DSC3: variants seen among roughly 807,000 people sequenced by gnomAD.
DSC3 encodes the protein desmocollin-3.
DSC3 carries 97 observed loss-of-function variants against 89.5 expected under a neutral mutation model. That is an observed-to-expected ratio of 1.08 (90% CI 0.92 to 1.28). The LOEUF (loss-of-function observed/expected upper bound fraction) is 1.28, where lower values mean the gene tolerates loss of function less well. DSC3 is among the 50% of genes most tolerant of loss of function. The probability of loss-of-function intolerance (pLI) is 0.00; values close to 1 mark genes in which losing one functional copy is unlikely to be tolerated. For missense variants in DSC3, 1,199 were observed against 1,085.3 expected (o/e 1.10, Z -1.47); for synonymous variants, 436 against 384.1 (o/e 1.14, Z -1.58).
chr18:31,032,573 T>TGTGTGTGTGTGTGTGTGC (rs1326080418), intron 1 of DSC3, among the ~76,000 whole-genome samples: 1 of 130,508 alleles, frequency 7.7e-6, no homozygotes, highest in Non-Finnish European at 1.6e-5. Flanking sequence ...TGTGTGTGTG[T>TGTGTGTGTGTGTGTGTGC]GTGTGTGTGT....
Position 31,024,329 on chromosome 18 carries a change from A to T in DSC3, c.775+20T>A. ...AGACATATTTAAAATGATTCTTTTTATTCTTAAAAGCAGACTTACCAGGTC... is the reference window on the plus strand; with the variant it reads ...AGACATATTTAAAATGATTCTTTTTTTTCTTAAAAGCAGACTTACCAGGTC... On this transcript the variant is annotated intron_variant, in intron 6 of 15. Transcript: ENST00000360428. The T allele has an allele frequency of 6.4e-7, 1 of 1,554,430 alleles. No individual in the cohort carries two copies. The highest frequency in any genetic ancestry group is 8.7e-7 in the Non-Finnish European group (1 of 1,150,270).
intron 7 of DSC3, 27 bp from the exon 8 acceptor site, chr18:31,018,827 G>A: frequency 6.2e-7 from 1 of 1,611,274 alleles, no homozygotes; most frequent in South Asian, 1.1e-5. Flanking sequence ...TATTTAACTA[G>A]TCTTGAAAAA....
At chr18:31,001,468 T>G in intron 14 of DSC3, 150 bp downstream of exon 14, 1 of 888,136 alleles carries the variant, frequency 1.1e-6, no homozygotes, top group Non-Finnish European at 1.7e-6. Flanking sequence ...TACCACTATA[T>G]AAACATATGA....
At chr18:31,034,872 T>C (rs1404855988) in intron 1 of DSC3, among the ~76,000 whole-genome samples, 1 of 152,332 alleles carries the variant, frequency 6.6e-6, no homozygotes, top group African/African-American at 2.4e-5. Flanking sequence ...TAAAATTAGA[T>C]TATTGCACAT....
At chr18:31,011,965 T>A (rs1451355798) in intron 9 of DSC3, among the ~76,000 whole-genome samples, 2 of 36,446 alleles carry the variant, frequency 5.5e-5, no homozygotes, top group Non-Finnish European at 9.7e-5. Flanking sequence ...AAGTACTCCA[T>A]CTCCAAAAAA....
At chr18:31,007,529 C>T (rs548033942) in intron 11 of DSC3, among the ~76,000 whole-genome samples, 1 of 152,226 alleles carries the variant, frequency 6.6e-6, no homozygotes, top group South Asian at 2.1e-4. Flanking sequence ...CTAGGCTCCA[C>T]AACCGGATAT....
In DSC3 at chr18:31,041,002, T is replaced by TA. The variant is rs869293863; in HGVS notation, c.69+1589dup. Among the ~76,000 whole-genome samples, 92 of 88,120 alleles carry TA rather than the reference T, an allele frequency of 1.0e-3. 1 individual carries two copies. The highest frequency in any genetic ancestry group is 2.0e-3 in the South Asian group (4 of 1,974). The allele number at this position is 88,120 out of a possible 152,430, so 57.8% of individuals were successfully genotyped here. A position where few individuals can be genotyped will look rare whatever the true frequency, so the allele number is the denominator to read the frequency against. On this transcript the variant is annotated intron_variant, in intron 1 of 15. Transcript: ENST00000360428. ...TAACCTAAACTCAACGGAATTATTT[T>TA]AAAAAAAAAAAATCTTAAACGAGTA...
At chr18:31,030,508 A>G (rs1985747492) in intron 3 of DSC3, among the ~76,000 whole-genome samples, 1 of 152,184 alleles carries the variant, frequency 6.6e-6, no homozygotes, top group African/African-American at 2.4e-5. Context: ...TGAGTTCTAT[A>G]ATAGAGGGAT....
intron 4 of DSC3, among the ~76,000 whole-genome samples, chr18:31,028,620 A>G (rs959298703): frequency 6.6e-6 from 1 of 152,158 alleles, no homozygotes; most frequent in Non-Finnish European, 1.5e-5. Context: ...TGAAACAATT[A>G]GTACACAGGT....
chr18:31,025,890 T>C lies in DSC3; in HGVS notation c.500A>G (p.Tyr167Cys), dbSNP rs747717990. 1.2e-6 allele frequency: 2 copies of C among 1,613,036 alleles called. No homozygotes were observed. Among genetic ancestry groups the C allele is most frequent in the East Asian group, 2.2e-5 (1 of 44,824 alleles). The stretch of plus-strand genomic sequence containing the variant: ...TCCACTTATTGAGTAGAAGACAGTA[T>C]AGTTCTGTGCTGCATCAGATTCAAC... ...QQVESDAAQN[Y>C]TVFYSISGRG... The change falls in exon 5 of 16, where the codon TAT becomes TGT. Residue 167 changes from tyrosine (Y) to cysteine (C), a missense_variant. Tyr to Cys is a radical substitution (Grantham distance 194). Coordinates refer to ENST00000360428, the MANE Select transcript of DSC3 (RefSeq NM_001941.5).
rs986493277 is a variant in DSC3, at chr18:30,992,021, C to G, written c.*2154G>C. ...TCTATTAAAAATACAAAAAATTAGC[C>G]GGGCGTGGTGGTGGGCGCCTGTAGT... is the stretch of plus-strand genomic sequence containing the variant. On this transcript the variant is annotated 3_prime_UTR_variant, in exon 16 of 16. Coordinates refer to ENST00000360428, the MANE Select transcript of DSC3 (RefSeq NM_001941.5). 1 of 151,852 alleles carries G rather than the reference C, an allele frequency of 6.6e-6. No homozygotes were observed. Among genetic ancestry groups the G allele is most frequent in the Non-Finnish European group, 1.5e-5 (1 of 68,010 alleles). 9.4% of individuals were successfully genotyped at this position (151,852 alleles called of 1,614,324 possible).
intron 7 of DSC3, 71 bp from the exon 8 acceptor site, chr18:31,018,871 C>G: frequency 7.4e-7 from 1 of 1,352,150 alleles, no homozygotes; most frequent in East Asian, 2.4e-5. Context: ...ACCTCAATTG[C>G]ACACTCACTC....
chr18:31,026,702 T>C (rs1985610564), intron 4 of DSC3, among the ~76,000 whole-genome samples: 1 of 152,130 alleles, frequency 6.6e-6, no homozygotes, highest in Non-Finnish European at 1.5e-5. Flanking sequence ...TTAATATCTA[T>C]TCTGCCCATC....
Position 31,007,106 on chromosome 18 carries a change from A to C in DSC3, c.1689T>G (p.Leu563=). The C allele has an allele frequency of 6.2e-7, 1 of 1,613,668 alleles. No homozygotes were observed. The highest frequency in any genetic ancestry group is 8.5e-7 in the Non-Finnish European group (1 of 1,179,678). ...CATTTACATCTTCAATGTTCACAGC[A>C]AGTGTTCCAGTACATGATCTATCAT... The part of the protein sequence containing the change: ...DKDDRSCTGT[L]AVNIEDVNDN... Residue 563 remains leucine (L), a synonymous_variant, in exon 12 of 16, where the codon CTT becomes CTG. Transcript: ENST00000360428.
chr18:31,018,636 CAG>C (rs1567956462), intron 8 of DSC3, 28 bp downstream of exon 8: 1 of 1,607,574 alleles, frequency 6.2e-7, no homozygotes, highest in Non-Finnish European at 8.5e-7. Flanking sequence ...GCAGATAAGA[CAG>C]AGGCAGATTT....
chr18:31,031,626 G>A (rs990774622), intron 2 of DSC3, among the ~76,000 whole-genome samples: 10 of 152,136 alleles, frequency 6.6e-5, no homozygotes, highest in African/African-American at 2.2e-4. Flanking sequence ...AAAGAGTCAT[G>A]TTAGAAAAAT....
At position 31,022,488 on chromosome 18, in the gene DSC3, C is replaced by G. The variant is rs765928616; in HGVS notation, c.790G>C (p.Val264Leu). The change falls in exon 7 of 16, where the codon GTG (valine) becomes CTG (leucine). Residue 264 changes from valine (V) to leucine (L), a missense_variant. By Grantham distance (32) the Val-to-Leu change is conservative. Coordinates refer to ENST00000360428, the MANE Select transcript of DSC3 (RefSeq NM_001941.5). Reference protein sequence around the residue: ...ESSRPGTTVGVVCATDRDEPD... With the variant: ...ESSRPGTTVGLVCATDRDEPD... ...TCATCTCTGTCTGTGGCACAAACCA[C>G]CCCCACTGTAGTACCTACACATTAA... is the stretch of plus-strand genomic sequence containing the variant. 7 of 1,614,002 alleles carry G rather than the reference C, an allele frequency of 4.3e-6. No homozygotes were observed. The highest frequency in any genetic ancestry group is 5.9e-6 in the Non-Finnish European group (7 of 1,179,964).
In DSC3 at chr18:31,024,350, A is replaced by C. The variant is rs1345516714; in HGVS notation, c.774T>G (p.Pro258=). The C allele has an allele frequency of 6.3e-7, 1 of 1,585,610 alleles. No homozygotes were observed. Among genetic ancestry groups the C allele is most frequent in the Non-Finnish European group, 8.6e-7 (1 of 1,165,458 alleles). Residue 258 remains proline (P), a splice_region_variant and synonymous_variant, in exon 6 of 16, where the codon CCT becomes CCG. Coordinates refer to ENST00000360428, the MANE Select transcript of DSC3 (RefSeq NM_001941.5). ...YNFEVLESSR[P]GTTVGVVCAT... ...TTTTATTCTTAAAAGCAGACTTACC[A>C]GGTCTACTACTTTCCAAAACTTCAA...
rs565259993 is a variant in DSC3, at chr18:30,998,017, T to TA, written c.2236-970dup. ...AGATATAAAGATCTATATGCTATGC[T>TA]AAAAAAATAGACTTTATTATGAAGA... On this transcript the variant is annotated intron_variant, in intron 14 of 15. Transcript: ENST00000360428. Among the ~76,000 whole-genome samples, 17 of 152,294 alleles carry TA rather than the reference T, an allele frequency of 1.1e-4. No homozygotes were observed. The South Asian group carries it at 2.9e-3, about 26-fold the overall frequency.
Sources: allele counts gnomAD v4.1 joint callset (sites outside exome capture counted in the v4.1 genomes callset), GRCh38; gene constraint gnomAD v4.1.1; transcripts MANE v1.5; gene names NCBI Gene and HGNC (gene_info 2026-07-23, HGNC 2026-07-21).